The following FAM168A variants were observed in gnomAD, a reference collection of about 807,000 sequenced individuals.
The protein encoded by FAM168A is family with sequence similarity 168 member A, also known as protein FAM168A.
In FAM168A, 3 loss-of-function variants were observed where a neutral mutation model predicts 28.5. The observed-to-expected ratio is 0.11, with a 90% CI of 0.05 to 0.27. The LOEUF (loss-of-function observed/expected upper bound fraction) is 0.27. Among genes scored for constraint, FAM168A ranks in the 10% least tolerant of loss-of-function variants. The pLI, the probability that FAM168A is intolerant of heterozygous loss-of-function variation, is 1.00. For synonymous variants in FAM168A, 122 were observed against 124.2 expected (o/e 0.98, Z 0.12); for missense variants, 222 against 311.5 (o/e 0.71, Z 2.16).
At chr11:73,472,025 G>T (rs1001874016) in intron 1 of FAM168A, among the ~76,000 whole-genome samples, 2 of 152,244 alleles carry the variant, frequency 1.3e-5, no homozygotes, top group South Asian at 4.1e-4. Context: ...TTTCATAGGA[G>T]TGTGAACCCT....
intron 1 of FAM168A, among the ~76,000 whole-genome samples, chr11:73,561,061 CAA>C (rs34101924): frequency 3.5e-5 from 3 of 86,748 alleles, no homozygotes; most frequent in Admixed American, 1.2e-4. Flanking sequence ...GACTCTGTCC[CAA>C]AAAAAAAAAA....
At chr11:73,462,209 C>A (rs1220085135) in intron 2 of FAM168A, among the ~76,000 whole-genome samples, 1 of 152,160 alleles carries the variant, frequency 6.6e-6, no homozygotes, top group African/African-American at 2.4e-5. Flanking sequence ...AAAGCAGAAG[C>A]AACCCAAGTG....
At chr11:73,532,207 C>T (rs567718818) in intron 1 of FAM168A, among the ~76,000 whole-genome samples, 38 of 152,216 alleles carry the variant, frequency 2.5e-4, no homozygotes, top group African/African-American at 8.9e-4. Flanking sequence ...GCTCTTTATA[C>T]ATCTCTCATT....
At chr11:73,544,970 AT>A (rs1943719244) in intron 1 of FAM168A, among the ~76,000 whole-genome samples, 3 of 87,650 alleles carry the variant, frequency 3.4e-5, no homozygotes, top group African/African-American at 1.4e-4. Context: ...TATAATATAT[AT>A]TATATAATAT....
chr11:73,542,111 CTT>C (rs2134678065), intron 1 of FAM168A, among the ~76,000 whole-genome samples: 1 of 152,306 alleles, frequency 6.6e-6, no homozygotes, highest in South Asian at 2.1e-4. Flanking sequence ...AGTCCGATCT[CTT>C]CTTTGCTCTA....
intron 1 of FAM168A, among the ~76,000 whole-genome samples, chr11:73,481,974 C>A (rs1867973165): frequency 6.6e-6 from 1 of 152,128 alleles, no homozygotes. Flanking sequence ...GAGGACACAG[C>A]ATTCCTCCTC....
At chr11:73,571,411 G>A (rs931663189) in intron 1 of FAM168A, among the ~76,000 whole-genome samples, 3 of 151,892 alleles carry the variant, frequency 2.0e-5, no homozygotes, top group Admixed American at 6.6e-5. Flanking sequence ...ATGCCTGACT[G>A]GTTTTCGTAT....
intron 1 of FAM168A, among the ~76,000 whole-genome samples, chr11:73,540,729 G>A (rs1943642863): frequency 6.6e-6 from 1 of 151,976 alleles, no homozygotes; most frequent in Non-Finnish European, 1.5e-5. Flanking sequence ...TCCTTATCTT[G>A]CTTTATTTTT....
chr11:73,589,421 C>G (rs909216081), intron 1 of FAM168A, among the ~76,000 whole-genome samples: 2 of 151,074 alleles, frequency 1.3e-5, no homozygotes, highest in African/African-American at 4.9e-5. Context: ...TTTGGTTTCC[C>G]TGGGCTACAC....
At chr11:73,554,184 G>T (rs958490883) in intron 1 of FAM168A, among the ~76,000 whole-genome samples, 3 of 151,954 alleles carry the variant, frequency 2.0e-5, no homozygotes, top group Non-Finnish European at 4.4e-5. Flanking sequence ...AGACCAGCCC[G>T]GGCAACACAG....
intron 3 of FAM168A, among the ~76,000 whole-genome samples, chr11:73,427,551 T>A (rs1026172909): frequency 5.9e-5 from 9 of 152,232 alleles, no homozygotes; most frequent in African/African-American, 2.2e-4. Flanking sequence ...AGTGGCAGGG[T>A]GCTGGGGCTT....
At chr11:73,538,598 G>A (rs1021863318) in intron 1 of FAM168A, among the ~76,000 whole-genome samples, 2 of 152,184 alleles carry the variant, frequency 1.3e-5, no homozygotes, top group Non-Finnish European at 2.9e-5. Flanking sequence ...AAACCTCTAG[G>A]AACTAAAGAA....
intron 1 of FAM168A, among the ~76,000 whole-genome samples, chr11:73,500,260 T>C (rs1284938807): frequency 6.8e-6 from 1 of 147,672 alleles, no homozygotes; most frequent in Non-Finnish European, 1.5e-5. Context: ...GAATTCCTTT[T>C]TTTTTTTTTT....
At chr11:73,498,359 C>T (rs1011049432) in intron 1 of FAM168A, among the ~76,000 whole-genome samples, 1 of 152,148 alleles carries the variant, frequency 6.6e-6, no homozygotes, top group African/African-American at 2.4e-5. Context: ...TGAATGAGCA[C>T]GCTACCCAGC....
intron 1 of FAM168A, among the ~76,000 whole-genome samples, chr11:73,553,504 G>A (rs1164284950): frequency 6.6e-6 from 1 of 152,184 alleles, no homozygotes; most frequent in Non-Finnish European, 1.5e-5. Flanking sequence ...AAATGAGGAT[G>A]GAGGACACTG....
chr11:73,445,417 C>CT lies in FAM168A; in HGVS notation c.71-14648dup, dbSNP rs1565248223. Reference sequence around the variant, plus strand: ...ACCCAGTAGATATATGTAAAAATGTCTCTTTTTTTTTTTTTTTTTTTTTTT... The same window carrying CT: ...ACCCAGTAGATATATGTAAAAATGTCTTCTTTTTTTTTTTTTTTTTTTTTTT... On this transcript the variant is annotated intron_variant, in intron 2 of 7. Coordinates refer to ENST00000356467, the MANE Select transcript of FAM168A (RefSeq NM_015159.3). Among the ~76,000 whole-genome samples the CT allele has an allele frequency of 7.6e-5, 7 of 92,188 alleles. No individual in the cohort carries two copies. In the South Asian group the frequency reaches 2.1e-3, roughly 27 times the overall value. 60.5% of individuals were successfully genotyped at this position (92,188 alleles called of 152,430 possible).
intron 5 of FAM168A, chr11:73,410,520 A>G (rs944796950): frequency 6.6e-6 from 1 of 152,200 alleles, no homozygotes; most frequent in South Asian, 2.1e-4. Flanking sequence ...CAGTGGTCCA[A>G]GGTGACTCCC....
intron 2 of FAM168A, among the ~76,000 whole-genome samples, chr11:73,442,368 C>A (rs1001704228): frequency 6.6e-6 from 1 of 152,078 alleles, no homozygotes; most frequent in Non-Finnish European, 1.5e-5. Flanking sequence ...CCTCATGATC[C>A]GTCTGCCTCA....
At chr11:73,441,691 T>C (rs1037461655) in intron 2 of FAM168A, among the ~76,000 whole-genome samples, 2 of 152,248 alleles carry the variant, frequency 1.3e-5, no homozygotes, top group African/African-American at 4.8e-5. Flanking sequence ...TAATTCTCTC[T>C]TATAGGTCTA....
Sources: allele counts gnomAD v4.1 joint callset (sites outside exome capture counted in the v4.1 genomes callset), GRCh38; gene constraint gnomAD v4.1.1; transcripts MANE v1.5; gene names NCBI Gene and HGNC (gene_info 2026-07-23, HGNC 2026-07-21).